TAOK1: variants seen among roughly 807,000 people sequenced by gnomAD.
TAOK1 encodes the protein serine/threonine-protein kinase TAO1.
TAOK1 carries 21 observed loss-of-function variants against 138.3 expected under a neutral mutation model. The ratio of observed to expected loss-of-function variants is 0.15; its 90% confidence interval spans 0.11 to 0.22. The LOEUF (loss-of-function observed/expected upper bound fraction) is 0.22. TAOK1 is among the 10% of genes least tolerant of loss of function. The pLI is 1.00. For missense variants in TAOK1, 651 were observed against 1,227.7 expected, an observed-to-expected ratio of 0.53 and a Z score of 7.02; for synonymous variants, 361 against 398.4, an observed-to-expected ratio of 0.91 and a Z score of 1.12.
At chr17:29,447,335 G>T (rs2030109526) in intron 1 of TAOK1, among the ~76,000 whole-genome samples, 1 of 151,974 alleles carries the variant, frequency 6.6e-6, no homozygotes, top group Non-Finnish European at 1.5e-5. Flanking sequence ...CTTTTTAAAA[G>T]TTTATCTTAT....
intron 1 of TAOK1, among the ~76,000 whole-genome samples, chr17:29,432,167 A>G (rs1157352186): frequency 6.6e-6 from 1 of 152,188 alleles, no homozygotes; most frequent in Non-Finnish European, 1.5e-5. Context: ...TTACCCACAT[A>G]TTTATTGACA....
chr17:29,526,915 T>C (rs944106379), intron 17 of TAOK1, among the ~76,000 whole-genome samples: 1 of 141,126 alleles, frequency 7.1e-6, no homozygotes, highest in Non-Finnish European at 1.5e-5. Flanking sequence ...GATCACAAGG[T>C]CAGGAGATTG....
intron 1 of TAOK1, among the ~76,000 whole-genome samples, chr17:29,406,735 G>A (rs1598467055): frequency 6.6e-6 from 1 of 151,932 alleles, no homozygotes; most frequent in East Asian, 1.9e-4. Flanking sequence ...CACCACCATG[G>A]CCAGCTAATT....
chr17:29,479,670 G>A (rs2031018652), intron 6 of TAOK1, among the ~76,000 whole-genome samples: 1 of 152,050 alleles, frequency 6.6e-6, no homozygotes, highest in African/African-American at 2.4e-5. Context: ...ATTAACAAGG[G>A]CTTGGAAATT....
At chr17:29,476,672 A>C (rs1320980209) in intron 4 of TAOK1, among the ~76,000 whole-genome samples, 2 of 152,010 alleles carry the variant, frequency 1.3e-5, no homozygotes, top group Non-Finnish European at 2.9e-5. Context: ...AGGATACCAA[A>C]TCCCTTCTAT....
At chr17:29,449,446 T>C (rs567075282) in intron 1 of TAOK1, among the ~76,000 whole-genome samples, 2 of 152,328 alleles carry the variant, frequency 1.3e-5, no homozygotes, top group Admixed American at 1.3e-4. Flanking sequence ...AAAAGACATA[T>C]AAATGTATTT....
At chr17:29,481,967 T>A (rs1218237283) in intron 7 of TAOK1, among the ~76,000 whole-genome samples, 2 of 151,904 alleles carry the variant, frequency 1.3e-5, no homozygotes, top group South Asian at 2.1e-4. Context: ...CTCAAAAAAA[T>A]AAATAAATAC....
chr17:29,480,133 ACTG>A (rs1052202069), intron 6 of TAOK1: 18 of 283,308 alleles, frequency 6.4e-5, no homozygotes, highest in African/African-American at 2.6e-4. Context: ...ATTTTTTTTT[ACTG>A]CTATTTGTCT....
chr17:29,551,004 TA>T lies in TAOK1; in HGVS notation c.*7993del, dbSNP rs1244054536. The T allele has an allele frequency of 1.8e-4, 21 of 118,966 alleles. No individual in the cohort carries two copies. The highest frequency in any genetic ancestry group is 2.6e-4 in the Admixed American group (3 of 11,418). 7.4% of individuals were successfully genotyped at this position (118,966 alleles called of 1,614,324 possible). On this transcript the variant is annotated 3_prime_UTR_variant, in exon 20 of 20. Transcript: ENST00000261716. ...TGCTTCAGTCAATTGCTTTTTTATTTAAAAAAAAAAAGAAAAAAAGCTGTAA... is the reference window on the plus strand; with the variant it reads ...TGCTTCAGTCAATTGCTTTTTTATTTAAAAAAAAAAGAAAAAAAGCTGTAA...
chr17:29,495,846 A>C, intron 11 of TAOK1, 119 bp downstream of exon 11: 1 of 806,178 alleles, frequency 1.2e-6, no homozygotes, highest in Non-Finnish European at 1.8e-6. Flanking sequence ...TATTTTCTCA[A>C]CACTGGTCCT....
At chr17:29,542,497 C>A in intron 19 of TAOK1, 64 bp from the exon 20 acceptor site, 1 of 1,404,110 alleles carries the variant, frequency 7.1e-7, no homozygotes, top group Non-Finnish European at 9.6e-7. Context: ...ATAATTATTG[C>A]TTCCTTTCTT....
intron 1 of TAOK1, among the ~76,000 whole-genome samples, chr17:29,412,335 G>A (rs896153991): frequency 1.3e-5 from 2 of 151,848 alleles, no homozygotes; most frequent in Non-Finnish European, 2.9e-5. Context: ...GAGCCCCCAT[G>A]CCCAGCCGAT....
chr17:29,532,512 C>A (rs990168154), intron 18 of TAOK1, among the ~76,000 whole-genome samples: 3 of 152,028 alleles, frequency 2.0e-5, no homozygotes, highest in Non-Finnish European at 2.9e-5. Context: ...GTGTTTGTGT[C>A]CCTGGGTACT....
chr17:29,408,761 G>A (rs2153020717), intron 1 of TAOK1, among the ~76,000 whole-genome samples: 1 of 151,666 alleles, frequency 6.6e-6, no homozygotes, highest in South Asian at 2.1e-4. Flanking sequence ...CACCTAGGCT[G>A]GAATGCAGTG....
At chr17:29,528,158 T>C (rs1374018615) in intron 17 of TAOK1, among the ~76,000 whole-genome samples, 1 of 152,190 alleles carries the variant, frequency 6.6e-6, no homozygotes, top group Non-Finnish European at 1.5e-5. Context: ...CAAGCAATTC[T>C]TGTGCCTCAG....
chr17:29,432,178 G>A (rs1257105587), intron 1 of TAOK1, among the ~76,000 whole-genome samples: 4 of 152,222 alleles, frequency 2.6e-5, no homozygotes, highest in Admixed American at 2.0e-4. Flanking sequence ...TTTATTGACA[G>A]CAAGCCAGTG....
chr17:29,542,677 T>C lies in TAOK1; in HGVS notation c.2661T>C (p.Phe887=), dbSNP rs751757478. The C allele has an allele frequency of 8.1e-6, 13 of 1,614,212 alleles. 1 individual carries two copies. In the South Asian group the frequency reaches 1.4e-4, roughly 18 times the overall value. ...AFDSESMRLG[F]SNMVLSNLSP... ...ACTCTGAAAGCATGAGACTAGGTTT[T>C]AGTAATATGGTCCTTTCTAATCTCT... Residue 887 remains phenylalanine (F), a synonymous_variant, in exon 20 of 20, where the codon TTT becomes TTC. Transcript: ENST00000261716.
intron 19 of TAOK1, among the ~76,000 whole-genome samples, chr17:29,535,938 C>T (rs1414208439): frequency 6.6e-6 from 1 of 152,174 alleles, no homozygotes; most frequent in African/African-American, 2.4e-5. Flanking sequence ...GTCTTTATTA[C>T]TGGCTTCTTT....
At chr17:29,397,607 C>CCCAAAAAA (rs60665025) in intron 1 of TAOK1, among the ~76,000 whole-genome samples, 32 of 94,606 alleles carry the variant, frequency 3.4e-4, no homozygotes, top group African/African-American at 1.6e-3. Context: ...CGTCCCCCCC[C>CCCAAAAAA]AAAAAAATAT....
Sources: allele counts gnomAD v4.1 joint callset (sites outside exome capture counted in the v4.1 genomes callset), GRCh38; gene constraint gnomAD v4.1.1; transcripts MANE v1.5; gene names NCBI Gene and HGNC (gene_info 2026-07-23, HGNC 2026-07-21).